BAIAP2L1: variants seen among roughly 807,000 people sequenced by gnomAD.
BAIAP2L1 encodes the protein BAR/IMD domain-containing adapter protein 2-like 1.
BAIAP2L1 carries 35 observed loss-of-function variants against 66.3 expected under a neutral mutation model. The ratio of observed to expected loss-of-function variants is 0.53; its 90% CI spans 0.40 to 0.70. The LOEUF (loss-of-function observed/expected upper bound fraction) is 0.70, where lower values mean the gene tolerates loss of function less well. Among genes scored for constraint, BAIAP2L1 ranks in the 30% least tolerant of loss-of-function variants. The probability of loss-of-function intolerance (pLI) is 0.00; values close to 1 mark genes in which losing one functional copy is unlikely to be tolerated. For missense variants in BAIAP2L1, 622 were observed against 656.9 expected (o/e 0.95, Z 0.58); for synonymous variants, 269 against 248.7 (o/e 1.08, Z -0.77).
rs554579335 is a variant in BAIAP2L1 at position 98,306,353 on chromosome 7, G to A, written c.1241+86C>T. The A allele has an allele frequency of 1.1e-5, 16 of 1,509,160 alleles. No individual in the cohort carries two copies. The Middle Eastern group carries it at 5.1e-4, about 48-fold the overall frequency. The allele number at this position is 1,509,160 out of a possible 1,614,324, so 93.5% of individuals were successfully genotyped here. On this transcript the variant is annotated intron_variant, in intron 11 of 13. Transcript: ENST00000005260. ...AGAGCTGAGGCTTAGGGCAGGGCCT[G>A]CGACACAGCTAGATGGTGGTGTGTT...
chr7:98,386,636 T>C (rs1452003459), intron 1 of BAIAP2L1: 1 of 1,488,634 alleles, frequency 6.7e-7, no homozygotes, highest in African/African-American at 1.4e-5. Context: ...CAATGTTCTT[T>C]CCGAGAACTT....
chr7:98,352,183 G>C (rs1802015611), intron 3 of BAIAP2L1, among the ~76,000 whole-genome samples: 1 of 151,898 alleles, frequency 6.6e-6, no homozygotes, highest in African/African-American at 2.4e-5. Context: ...AAGAAAAATG[G>C]AGCCAGTCAA....
At chr7:98,295,715 G>A (rs971065159) in intron 12 of BAIAP2L1, among the ~76,000 whole-genome samples, 1 of 152,070 alleles carries the variant, frequency 6.6e-6, no homozygotes, top group African/African-American at 2.4e-5. Flanking sequence ...GCTTATGCTA[G>A]GGGAAGGCGC....
chr7:98,400,872 G>A lies in BAIAP2L1; in HGVS notation c.-20C>T, dbSNP rs1282747251. On this transcript the variant is annotated 5_prime_UTR_variant, in exon 1 of 14. Coordinates refer to ENST00000005260, the MANE Select transcript of BAIAP2L1 (RefSeq NM_018842.5). ...GGACATGGCTGCGGCCGCCGGGCGA[G>A]CAAGCGCGGGAGGACGCGGCTGGGC... The A allele has an allele frequency of 3.9e-6, 6 of 1,536,084 alleles. No homozygotes were observed. The highest frequency in any genetic ancestry group is 4.4e-6 in the Non-Finnish European group (5 of 1,140,458).
At chr7:98,354,450 G>A (rs1234285106) in intron 3 of BAIAP2L1, among the ~76,000 whole-genome samples, 1 of 152,176 alleles carries the variant, frequency 6.6e-6, no homozygotes, top group Non-Finnish European at 1.5e-5. Flanking sequence ...AAATGAGAGT[G>A]CTGTGTGGGG....
Position 98,294,068 on chromosome 7 carries a change from G to A in BAIAP2L1, c.1460+6C>T, listed in dbSNP as rs779560885. The A allele has an allele frequency of 9.9e-6, 16 of 1,613,740 alleles. No homozygotes were observed. The highest frequency in any genetic ancestry group is 2.2e-5 in the East Asian group (1 of 44,898). On this transcript the variant is annotated splice_donor_region_variant and intron_variant, in intron 13 of 13. Coordinates refer to ENST00000005260, the MANE Select transcript of BAIAP2L1 (RefSeq NM_018842.5). The stretch of plus-strand genomic sequence containing the variant: ...CACTGAGGCTCACGTAGGAAGCCAC[G>A]CCTACCTGAGAAAAGGCGGCTTTGC...
intron 3 of BAIAP2L1, among the ~76,000 whole-genome samples, chr7:98,331,657 G>A (rs1229984785): frequency 6.6e-6 from 1 of 151,812 alleles, no homozygotes; most frequent in Non-Finnish European, 1.5e-5. Context: ...TAGTAGAGAT[G>A]GGGTTTCACC....
intron 1 of BAIAP2L1, among the ~76,000 whole-genome samples, chr7:98,380,729 CCGGT>C (rs1369569322): frequency 4.3e-5 from 6 of 138,498 alleles, no homozygotes; most frequent in Non-Finnish European, 6.3e-5. Flanking sequence ...GCCACCATAT[CCGGT>C]CCGTTTTTTT....
intron 3 of BAIAP2L1, among the ~76,000 whole-genome samples, chr7:98,335,176 AAAATT>A (rs1801587811): frequency 8.0e-6 from 1 of 124,640 alleles, no homozygotes. Flanking sequence ...AAAAAAAAAA[AAAATT>A]TATCTCCCAT....
intron 5 of BAIAP2L1, among the ~76,000 whole-genome samples, chr7:98,319,245 C>T (rs912503547): frequency 9.2e-5 from 14 of 152,142 alleles, no homozygotes; most frequent in African/African-American, 3.4e-4. Flanking sequence ...CAAGAGCCCT[C>T]AATACCGGGT....
chr7:98,399,353 C>T (rs142308717), intron 1 of BAIAP2L1, among the ~76,000 whole-genome samples: 118 of 152,264 alleles, frequency 7.7e-4, no homozygotes, highest in African/African-American at 2.5e-3. Flanking sequence ...TCTTGGATTT[C>T]AATACATAAC....
intron 1 of BAIAP2L1, among the ~76,000 whole-genome samples, chr7:98,398,475 TAA>T (rs34124383): frequency 4.8e-5 from 7 of 145,078 alleles, no homozygotes; most frequent in Non-Finnish European, 3.0e-5. Flanking sequence ...ACCTGGACAT[TAA>T]AAAAAAAAAA....
Position 98,292,581 on chromosome 7 carries a change from T to C in BAIAP2L1, c.*940A>G, listed in dbSNP as rs528332601. On this transcript the variant is annotated 3_prime_UTR_variant, in exon 14 of 14. Coordinates refer to ENST00000005260, the MANE Select transcript of BAIAP2L1 (RefSeq NM_018842.5). Reference sequence around the variant, plus strand: ...GTGCGTAGTCCTCACATCCATACCATAGGGCCAGGTTCCGAGGGCATCATG... The same window carrying C: ...GTGCGTAGTCCTCACATCCATACCACAGGGCCAGGTTCCGAGGGCATCATG... 8.0e-6 allele frequency: 12 copies of C among 1,505,640 alleles called. No individual in the cohort carries two copies. Among genetic ancestry groups the C allele is most frequent in the East Asian group, 4.9e-5 (2 of 40,666 alleles). 93.3% of individuals were successfully genotyped at this position (1,505,640 alleles called of 1,614,324 possible).
intron 2 of BAIAP2L1, among the ~76,000 whole-genome samples, chr7:98,356,672 A>C (rs1204812434): frequency 6.7e-6 from 1 of 148,896 alleles, no homozygotes; most frequent in Non-Finnish European, 1.5e-5. Flanking sequence ...AATTAAAAAA[A>C]AAAAAAAAAA....
At chr7:98,329,383 G>T (rs1448908383) in intron 3 of BAIAP2L1, among the ~76,000 whole-genome samples, 3 of 152,160 alleles carry the variant, frequency 2.0e-5, no homozygotes, top group Non-Finnish European at 4.4e-5. Context: ...AAGAACTGCT[G>T]GGGGCTTGGC....
Position 98,373,330 on chromosome 7 carries a change from T to C in BAIAP2L1, c.52-10898A>G, listed in dbSNP as rs145251338. 3.8e-3 allele frequency among the ~76,000 whole-genome samples: 577 copies of C among 152,358 alleles called. 8 individuals carry two copies. Among genetic ancestry groups the C allele is most frequent in the African/African-American group, 0.013 (551 of 41,590 alleles). ...GTTAGATCAGAAATACTCATTGAAA[T>C]ATATAAACCCACAAAAATGCTTTTT... On this transcript the variant is annotated intron_variant, in intron 1 of 13. Coordinates refer to ENST00000005260, the MANE Select transcript of BAIAP2L1 (RefSeq NM_018842.5).
chr7:98,316,240 G>A (rs983220774), intron 6 of BAIAP2L1, among the ~76,000 whole-genome samples: 16 of 152,080 alleles, frequency 1.1e-4, no homozygotes, highest in Admixed American at 2.6e-4. Context: ...AGGCCTCCCC[G>A]GCCATGTGGA....
chr7:98,331,095 A>G (rs1801484276), intron 3 of BAIAP2L1, among the ~76,000 whole-genome samples: 1 of 152,202 alleles, frequency 6.6e-6, no homozygotes. Flanking sequence ...GAAACAAAGA[A>G]TGCCTTTGAT....
intron 1 of BAIAP2L1, among the ~76,000 whole-genome samples, chr7:98,370,951 G>A (rs1033050766): frequency 6.6e-6 from 1 of 152,148 alleles, no homozygotes; most frequent in Non-Finnish European, 1.5e-5. Context: ...TATAGTAGTT[G>A]TGGACACACT....
Sources: gnomAD v4.1 joint callset for allele counts (sites outside exome capture counted in the v4.1 genomes callset) on GRCh38, gnomAD v4.1.1 for gene constraint, MANE v1.5 for transcripts, NCBI Gene and HGNC (gene_info 2026-07-23, HGNC 2026-07-21) for gene names.